CNTN5: variants seen among roughly 807,000 people sequenced by gnomAD.
The protein encoded by CNTN5 is contactin-5.
A neutral mutation model predicts 129.1 loss-of-function variants in CNTN5; 77 were observed. The ratio of observed to expected loss-of-function variants is 0.60; its 90% CI spans 0.50 to 0.72. The LOEUF (loss-of-function observed/expected upper bound fraction) is 0.72, where lower values mean the gene tolerates loss of function less well. Ranked by LOEUF, CNTN5 falls within the 30% of genes least tolerant of loss-of-function variation. The pLI, the probability that CNTN5 is intolerant of heterozygous loss-of-function variation, is 0.00. For missense variants in CNTN5, 1,478 were observed against 1,328.8 expected (o/e 1.11, Z -1.75); for synonymous variants, 509 against 465.6 (o/e 1.09, Z -1.20).
chr11:100,056,679 C>G (rs1423900729), intron 9 of CNTN5, among the ~76,000 whole-genome samples: 1 of 151,536 alleles, frequency 6.6e-6, no homozygotes, highest in East Asian at 1.9e-4. Context: ...AATTAACACA[C>G]CTATCTCAGT....
chr11:99,872,057 A>T (rs1948516591), intron 6 of CNTN5, among the ~76,000 whole-genome samples: 1 of 151,968 alleles, frequency 6.6e-6, no homozygotes, highest in South Asian at 2.1e-4. Context: ...TTTAAAGGAC[A>T]TATTTATGAA....
intron 1 of CNTN5, among the ~76,000 whole-genome samples, chr11:99,115,390 AC>A (rs1249293911): frequency 6.6e-6 from 1 of 152,230 alleles, no homozygotes; most frequent in Non-Finnish European, 1.5e-5. Context: ...CATATAGTAT[AC>A]ATTTTTAAAA....
rs546937917 is a variant in CNTN5, at chr11:100,093,469, G to A, written c.1580+19175G>A. Among the ~76,000 whole-genome samples, 12 of 151,928 alleles carry A rather than the reference G, an allele frequency of 7.9e-5. No homozygotes were observed. The South Asian group carries it at 2.5e-3, about 32-fold the overall frequency. On this transcript the variant is annotated intron_variant, in intron 13 of 24. Transcript: ENST00000524871. ...TTTTATACAGATGAGGTCTTGCTAT[G>A]TTTCTCAAATAGGTCTCAAGCTCCT...
intron 1 of CNTN5, among the ~76,000 whole-genome samples, chr11:99,153,516 A>C (rs1009213216): frequency 6.8e-6 from 1 of 146,452 alleles, no homozygotes; most frequent in African/African-American, 2.5e-5. Flanking sequence ...TAAAATAACC[A>C]TTTTGTCTTT....
chr11:99,090,823 C>G (rs1359194880), intron 1 of CNTN5, among the ~76,000 whole-genome samples: 1 of 150,736 alleles, frequency 6.6e-6, no homozygotes, highest in Non-Finnish European at 1.5e-5. Context: ...GAGATGGAGA[C>G]CATCCTGGCT....
At position 99,382,845 on chromosome 11, in the gene CNTN5, C is replaced by CTTTTTTTTTTTTTTTTTTTTT. The variant is rs1163660333; in HGVS notation, c.-71+57371_-71+57391dup. Among the ~76,000 whole-genome samples, 5 of 77,046 alleles carry CTTTTTTTTTTTTTTTTTTTTT rather than the reference C, an allele frequency of 6.5e-5. 2 individuals carry two copies. Among genetic ancestry groups the CTTTTTTTTTTTTTTTTTTTTT allele is most frequent in the East Asian group, 1.1e-3 (2 of 1,894 alleles). 50.5% of individuals were successfully genotyped at this position (77,046 alleles called of 152,430 possible). On this transcript the variant is annotated intron_variant, in intron 2 of 24. Transcript: ENST00000524871. Reference sequence around the variant, plus strand: ...ACATCTCACTAGTGTCTCTAAATAACTTTTTTTTTTTTTTTTTTTTTTTTT... The same window carrying CTTTTTTTTTTTTTTTTTTTTT: ...ACATCTCACTAGTGTCTCTAAATAACTTTTTTTTTTTTTTTTTTTTTTTTTTTTTTTTTTTTTTTTTTTTTT...
At chr11:99,526,552 C>A (rs894627293) in intron 2 of CNTN5, among the ~76,000 whole-genome samples, 7 of 152,148 alleles carry the variant, frequency 4.6e-5, no homozygotes, top group African/African-American at 1.7e-4. Context: ...AGTTTGGGGG[C>A]AAATCTTCCT....
At chr11:99,919,110 G>A (rs536968308) in intron 7 of CNTN5, among the ~76,000 whole-genome samples, 127 of 152,278 alleles carry the variant, frequency 8.3e-4, no homozygotes, top group African/African-American at 2.7e-3. Context: ...AGACTTGGGA[G>A]CAGCATTCTT....
intron 3 of CNTN5, among the ~76,000 whole-genome samples, chr11:99,575,857 A>AT (rs1363541965): frequency 1.3e-5 from 2 of 152,182 alleles, no homozygotes; most frequent in Non-Finnish European, 1.5e-5. Flanking sequence ...AGCATAAGAC[A>AT]TCAGTTAGAG....
At position 99,220,850 on chromosome 11, in the gene CNTN5, C is replaced by A. The variant is rs188940618; in HGVS notation, c.-209-104496C>A. Among the ~76,000 whole-genome samples the A allele has an allele frequency of 4.6e-5, 7 of 151,888 alleles. No homozygotes were observed. In the East Asian group the frequency reaches 1.4e-3, roughly 29 times the overall value. ...ATAAATGTAAGCCACTCAAATAATTCTAAATTTTCACCTTATGAAAACAAT... is the reference window on the plus strand; with the variant it reads ...ATAAATGTAAGCCACTCAAATAATTATAAATTTTCACCTTATGAAAACAAT... On this transcript the variant is annotated intron_variant, in intron 1 of 24. Transcript: ENST00000524871.
At chr11:99,634,692 A>G (rs7928892) in intron 3 of CNTN5, among the ~76,000 whole-genome samples, 30,188 of 152,086 alleles carry the variant, frequency 0.2, 3,052 homozygotes, top group South Asian at 0.29. Flanking sequence ...CAAACACCTT[A>G]CATTTGTGAA....
At chr11:100,002,739 T>C (rs1459219060) in intron 9 of CNTN5, among the ~76,000 whole-genome samples, 2 of 152,140 alleles carry the variant, frequency 1.3e-5, no homozygotes, top group East Asian at 3.9e-4. Flanking sequence ...GGATATATAG[T>C]CACTTGTCAA....
chr11:100,067,734 G>C (rs1460401911), intron 10 of CNTN5, among the ~76,000 whole-genome samples: 5 of 151,668 alleles, frequency 3.3e-5, no homozygotes, highest in Non-Finnish European at 5.9e-5. Context: ...CATTTTAATG[G>C]CCTTTCACCC....
chr11:100,015,123 A>G (rs1273718943), intron 9 of CNTN5, among the ~76,000 whole-genome samples: 1 of 152,194 alleles, frequency 6.6e-6, no homozygotes, highest in African/African-American at 2.4e-5. Flanking sequence ...TATCAATGTA[A>G]TAGGTATATA....
chr11:100,221,815 GAC>G (rs982640233), intron 15 of CNTN5, among the ~76,000 whole-genome samples: 5 of 151,738 alleles, frequency 3.3e-5, no homozygotes, highest in African/African-American at 1.2e-4. Context: ...AAAAAAAAAA[GAC>G]AGAAAATAAA....
intron 2 of CNTN5, among the ~76,000 whole-genome samples, chr11:99,464,748 GT>G (rs1944868235): frequency 6.6e-6 from 1 of 151,974 alleles, no homozygotes; most frequent in Admixed American, 6.6e-5. Flanking sequence ...AATATGCAGT[GT>G]TTTTCCCCCA....
At chr11:99,087,834 T>C (rs1024942201) in intron 1 of CNTN5, among the ~76,000 whole-genome samples, 4 of 152,126 alleles carry the variant, frequency 2.6e-5, no homozygotes, top group Non-Finnish European at 5.9e-5. Context: ...AGTAAATAAA[T>C]TTTATTTTCC....
At chr11:99,221,288 A>C (rs188085629) in intron 1 of CNTN5, among the ~76,000 whole-genome samples, 1 of 152,054 alleles carries the variant, frequency 6.6e-6, no homozygotes, top group East Asian at 1.9e-4. Flanking sequence ...GACAATGGAG[A>C]ATTAATCTGA....
At chr11:100,276,080 G>C (rs1418294544) in intron 18 of CNTN5, among the ~76,000 whole-genome samples, 1 of 152,198 alleles carries the variant, frequency 6.6e-6, no homozygotes, top group Non-Finnish European at 1.5e-5. Flanking sequence ...ATGTTGAATT[G>C]AAAGTGGTAT....
Sources: allele counts gnomAD v4.1 joint callset (sites outside exome capture counted in the v4.1 genomes callset), GRCh38; gene constraint gnomAD v4.1.1; transcripts MANE v1.5; gene names NCBI Gene and HGNC (gene_info 2026-07-23, HGNC 2026-07-21).